The following ACOXL variants were observed in gnomAD, a reference collection of about 807,000 sequenced individuals.
The protein encoded by ACOXL is acyl-coenzyme A oxidase-like protein.
In ACOXL, 70 loss-of-function variants were observed where a neutral mutation model predicts 71.9. The observed-to-expected ratio is 0.97, with a 90% CI of 0.80 to 1.19. The LOEUF (loss-of-function observed/expected upper bound fraction) is 1.19, where lower values mean the gene tolerates loss of function less well. Among genes scored for constraint, ACOXL ranks in the 50% most tolerant of loss-of-function variants. The pLI, the probability that ACOXL is intolerant of heterozygous loss-of-function variation, is 0.00. For synonymous variants in ACOXL, 253 were observed against 281.6 expected, an observed-to-expected ratio of 0.90 and a Z score of 1.02; for missense variants, 703 against 736.3, an observed-to-expected ratio of 0.95 and a Z score of 0.52.
At chr2:111,054,467 T>C (rs1264638003) in intron 16 of ACOXL, among the ~76,000 whole-genome samples, 2 of 152,086 alleles carry the variant, frequency 1.3e-5, no homozygotes, top group African/African-American at 4.8e-5. Context: ...TGGGTACAGC[T>C]GCCAAGAGCT....
intron 9 of ACOXL, among the ~76,000 whole-genome samples, chr2:110,839,758 T>C (rs1248757882): frequency 6.6e-6 from 1 of 152,058 alleles, no homozygotes; most frequent in East Asian, 1.9e-4. Context: ...TTCAACCATT[T>C]CTCTTCTCAT....
intron 13 of ACOXL, among the ~76,000 whole-genome samples, chr2:110,990,960 G>C (rs947653684): frequency 3.3e-5 from 5 of 152,118 alleles, no homozygotes; most frequent in Non-Finnish European, 7.4e-5. Flanking sequence ...GTACATGCCT[G>C]ATTTAGATTT....
chr2:110,754,198 A>C (rs1679373851), intron 1 of ACOXL, among the ~76,000 whole-genome samples: 1 of 151,566 alleles, frequency 6.6e-6, no homozygotes, highest in South Asian at 2.1e-4. Context: ...TCATCCTCCG[A>C]AGTAGCTAGG....
intron 16 of ACOXL, among the ~76,000 whole-genome samples, chr2:111,092,113 G>A (rs182070328): frequency 6.6e-6 from 1 of 152,330 alleles, no homozygotes. Context: ...ACTGAGGTCT[G>A]CTTTGCAGTG....
chr2:111,063,025 CATAA>C (rs970067472), intron 16 of ACOXL, among the ~76,000 whole-genome samples: 10 of 152,058 alleles, frequency 6.6e-5, no homozygotes, highest in Admixed American at 2.0e-4. Context: ...ATTCTATGCC[CATAA>C]ATTTGACAAT....
chr2:110,776,428 G>A (rs1487465183), intron 2 of ACOXL, among the ~76,000 whole-genome samples: 3 of 152,188 alleles, frequency 2.0e-5, no homozygotes, highest in African/African-American at 4.8e-5. Context: ...ATTTTATGTT[G>A]TGTGTATGTT....
At chr2:110,864,000 A>G (rs1694257644) in intron 10 of ACOXL, among the ~76,000 whole-genome samples, 1 of 151,886 alleles carries the variant, frequency 6.6e-6, no homozygotes, top group African/African-American at 2.4e-5. Flanking sequence ...CTTCTTCTTC[A>G]CTAGTGAGGA....
At chr2:110,791,104 C>T (rs941868472) in intron 3 of ACOXL, among the ~76,000 whole-genome samples, 5 of 152,272 alleles carry the variant, frequency 3.3e-5, no homozygotes, top group African/African-American at 1.2e-4. Flanking sequence ...TCCCCAGGAG[C>T]TCCACCTGCA....
chr2:111,114,947 A>C (rs1027425937), intron 17 of ACOXL, among the ~76,000 whole-genome samples: 2 of 152,096 alleles, frequency 1.3e-5, no homozygotes, highest in African/African-American at 4.8e-5. Context: ...GCTTTCTTTA[A>C]AGCAGATATT....
intron 15 of ACOXL, among the ~76,000 whole-genome samples, chr2:111,045,134 A>G (rs2065953111): frequency 6.6e-6 from 1 of 152,190 alleles, no homozygotes; most frequent in African/African-American, 2.4e-5. Context: ...TTCCGCCAAG[A>G]GTCCCTTAGG....
chr2:110,776,980 A>G (rs1682731632), intron 2 of ACOXL, among the ~76,000 whole-genome samples: 1 of 151,980 alleles, frequency 6.6e-6, no homozygotes, highest in Non-Finnish European at 1.5e-5. Context: ...AGCAGTAGAC[A>G]GACACTGATA....
chr2:110,804,480 C>T (rs140938868), intron 8 of ACOXL, among the ~76,000 whole-genome samples: 2 of 152,246 alleles, frequency 1.3e-5, no homozygotes, highest in African/African-American at 2.4e-5. Flanking sequence ...TGTGTGAAAA[C>T]GTTGTCTACA....
At chr2:110,812,220 TTGGA>T (rs1687419598) in intron 9 of ACOXL, among the ~76,000 whole-genome samples, 2 of 152,236 alleles carry the variant, frequency 1.3e-5, no homozygotes, top group African/African-American at 4.8e-5. Context: ...TTGCAGCATT[TTGGA>T]TGGGTATAAA....
At chr2:111,062,874 A>G (rs566690367) in intron 16 of ACOXL, among the ~76,000 whole-genome samples, 1 of 152,286 alleles carries the variant, frequency 6.6e-6, no homozygotes, top group Non-Finnish European at 1.5e-5. Context: ...CGAAACAAAG[A>G]GCTAGATCTT....
At chr2:110,798,831 AACTT>A in intron 6 of ACOXL, 107 bp downstream of exon 6, 5 of 1,213,160 alleles carry the variant, frequency 4.1e-6, no homozygotes, top group South Asian at 2.6e-5. Flanking sequence ...ATTCAGTACT[AACTT>A]TATCTCCTAA....
intron 10 of ACOXL, among the ~76,000 whole-genome samples, chr2:110,880,198 T>C (rs1361069715): frequency 7.3e-6 from 1 of 137,580 alleles, no homozygotes; most frequent in Non-Finnish European, 1.6e-5. Context: ...GAAAAAAGAA[T>C]GGATGTTGTA....
intron 9 of ACOXL, among the ~76,000 whole-genome samples, chr2:110,807,320 C>T (rs1272460423): frequency 1.3e-5 from 2 of 152,252 alleles, no homozygotes; most frequent in Non-Finnish European, 2.9e-5. Flanking sequence ...GTGTGTGCAG[C>T]GCTGGCCCAG....
chr2:111,027,992 A>T (rs576001451), intron 14 of ACOXL, among the ~76,000 whole-genome samples: 13 of 152,012 alleles, frequency 8.6e-5, no homozygotes, highest in Non-Finnish European at 1.9e-4. Context: ...TTGAGACCAG[A>T]TCCAGCAACA....
chr2:110,784,584 A>G (rs973039287), intron 2 of ACOXL, 148 bp from the exon 3 acceptor site: 57 of 552,718 alleles, frequency 1.0e-4, no homozygotes, highest in Non-Finnish European at 1.5e-4. Context: ...CTTTAGTAGA[A>G]TGATGGAATT....
Sources: gnomAD v4.1 joint callset for allele counts (sites outside exome capture counted in the v4.1 genomes callset) on GRCh38, gnomAD v4.1.1 for gene constraint, MANE v1.5 for transcripts, NCBI Gene and HGNC (gene_info 2026-07-23, HGNC 2026-07-21) for gene names.